ZNF343: variants seen among roughly 807,000 people sequenced by gnomAD.
The protein encoded by ZNF343 is zinc finger protein 343.
Under a neutral mutation model 13.8 loss-of-function variants are expected in ZNF343, and 11 were observed. That is an observed-to-expected ratio of 0.80 (90% CI 0.50 to 1.32). The LOEUF (loss-of-function observed/expected upper bound fraction) is 1.32, where lower values mean the gene tolerates loss of function less well. Ranked by LOEUF, ZNF343 falls within the 40% of genes most tolerant of loss-of-function variation. ZNF343 has a pLI of 0.00. For synonymous variants in ZNF343, 248 were observed against 260.0 expected, an observed-to-expected ratio of 0.95 and a Z score of 0.44; for missense variants, 658 against 714.2, an observed-to-expected ratio of 0.92 and a Z score of 0.90.
chr20:2,492,257 G>C (rs900710697), intron 5 of ZNF343, among the ~76,000 whole-genome samples: 1 of 151,976 alleles, frequency 6.6e-6, no homozygotes, highest in African/African-American at 2.4e-5. Context: ...TACTGGGCAG[G>C]TACATCCCTT....
chr20:2,517,332 CACAT>C (rs2085763378), intron 1 of ZNF343, among the ~76,000 whole-genome samples: 1 of 151,586 alleles, frequency 6.6e-6, no homozygotes, highest in African/African-American at 2.4e-5. Context: ...AATATACACA[CACAT>C]ATATACACAT....
chr20:2,492,757 C>T lies in ZNF343; in HGVS notation c.246G>A (p.Glu82=), dbSNP rs1302386684. ...TEAEWKRLSP[E]QRNLYKEVML... ...TCACTTCTTTGTATAGATTCCTCTG[C>T]TCTGGACTCAGTCTCTTCCATTCTG... Residue 82 remains glutamate (E), a synonymous_variant, in exon 5 of 6, where the codon GAG becomes GAA. Coordinates refer to ENST00000278772, the MANE Select transcript of ZNF343 (RefSeq NM_024325.6). 1.2e-6 allele frequency: 2 copies of T among 1,613,740 alleles called. No individual in the cohort carries two copies. Among genetic ancestry groups the T allele is most frequent in the Admixed American group, 1.7e-5 (1 of 59,896 alleles).
chr20:2,508,220 C>T lies in ZNF343; in HGVS notation c.-237+661G>A, dbSNP rs947017083. 6.6e-6 allele frequency among the ~76,000 whole-genome samples: 1 copy of T among 152,092 alleles called. No individual in the cohort carries two copies. The highest frequency in any genetic ancestry group is 6.5e-5 in the Admixed American group (1 of 15,270). On this transcript the variant is annotated intron_variant, in intron 1 of 5. Transcript: ENST00000278772. The surrounding 1 kb of genome is among the most constrained non-coding windows in gnomAD (Gnocchi z 4.5). ...CTAAAAACCCCAGGGACTCCTGACC[C>T]AAGACACTCGCCCAGGCCCTCTCAG...
rs149797360 is a variant in ZNF343 at position 2,523,171 on chromosome 20, AC to A, written c.-347+1283del. ...CATTAGCATGCTAAAAGATGCTCCC[AC>A]CAGCACCATGACAGTTTACAGATGC... On this transcript the variant is annotated intron_variant, in intron 1 of 6. Coordinates refer to the ZNF343 transcript ENST00000358413. Among the ~76,000 whole-genome samples, 671 of 152,334 alleles carry A rather than the reference AC, an allele frequency of 4.4e-3. 5 individuals are homozygous for A. The highest frequency in any genetic ancestry group is 0.015 in the African/African-American group (636 of 41,584).
chr20:2,498,495 G>A (rs2085499538), intron 2 of ZNF343, among the ~76,000 whole-genome samples: 1 of 152,134 alleles, frequency 6.6e-6, no homozygotes, highest in Admixed American at 6.5e-5. Context: ...AAACCACAGA[G>A]GAATAAAACA....
At position 2,483,231 on chromosome 20, in the gene ZNF343, T is replaced by C; in HGVS notation, c.1730A>G (p.Tyr577Cys). 6.2e-7 allele frequency: 1 copy of C among 1,612,834 alleles called. No individual in the cohort carries two copies. The highest frequency in any genetic ancestry group is 1.1e-5 in the South Asian group (1 of 90,890). ...HQRTHSGEKHYVCRECGRGFS... is the reference protein window; with the variant it reads ...HQRTHSGEKHCVCRECGRGFS... ...GCCTCGCCCACACTCCCTACAAACA[T>C]AATGCTTCTCCCCTGAGTGTGTCCT... The change falls in exon 6 of 6, where the codon TAT becomes TGT. Residue 577 changes from tyrosine to cysteine, a missense_variant. Transcript: ENST00000278772.
chr20:2,516,253 C>G (rs1187102790), intron 1 of ZNF343, among the ~76,000 whole-genome samples: 1 of 152,020 alleles, frequency 6.6e-6, no homozygotes, highest in Non-Finnish European at 1.5e-5. Context: ...ATCCCAACTA[C>G]TCAGGAGGCT....
chr20:2,518,205 C>T lies in ZNF343; in HGVS notation c.-347+6250G>A, dbSNP rs1298152513. Among the ~76,000 whole-genome samples, 2 of 151,948 alleles carry T rather than the reference C, an allele frequency of 1.3e-5. No individual in the cohort carries two copies. Among genetic ancestry groups the T allele is most frequent in the African/African-American group, 2.4e-5 (1 of 41,370 alleles). On this transcript the variant is annotated intron_variant, in intron 1 of 6. Transcript: ENST00000358413. The surrounding 1 kb of genome is among the most constrained non-coding windows in gnomAD (Gnocchi z 4.6). ...CCTTTTTGTATTTTTTTAGTAGAGA[C>T]GTAGTTTCGCCATGTTGACCAGGCT...
intron 2 of ZNF343, among the ~76,000 whole-genome samples, chr20:2,500,413 C>A (rs1200819045): frequency 6.6e-6 from 1 of 152,256 alleles, no homozygotes; most frequent in East Asian, 1.9e-4. Context: ...AATCCAGCAG[C>A]CAAGATGAAA....
intron 1 of ZNF343, among the ~76,000 whole-genome samples, chr20:2,515,113 GAAA>G (rs962024830): frequency 1.4e-4 from 21 of 151,728 alleles, no homozygotes; most frequent in Non-Finnish European, 3.1e-4. Flanking sequence ...AAAAAGAAAG[GAAA>G]AAAAGACTAA....
intron 1 of ZNF343, among the ~76,000 whole-genome samples, chr20:2,501,166 G>A (rs960573636): frequency 1.4e-4 from 22 of 152,158 alleles, no homozygotes; most frequent in Admixed American, 4.6e-4. Flanking sequence ...ATTATATCCC[G>A]CGCCTGGCTC....
chr20:2,511,234 G>A (rs549118130), upstream of ZNF343, among the ~76,000 whole-genome samples: 3 of 150,902 alleles, frequency 2.0e-5, no homozygotes, highest in African/African-American at 7.3e-5. Flanking sequence ...CCTCAGCCCC[G>A]AGTAGTTGGG....
intron 2 of ZNF343, among the ~76,000 whole-genome samples, chr20:2,497,569 G>A (rs2085481118): frequency 6.6e-6 from 1 of 152,224 alleles, no homozygotes; most frequent in African/African-American, 2.4e-5. Context: ...TAGCACAGTA[G>A]TGGCTGCTGG....
At chr20:2,510,830 C>A (rs2085735187), upstream of ZNF343, among the ~76,000 whole-genome samples, 1 of 152,106 alleles carries the variant, frequency 6.6e-6, no homozygotes, top group African/African-American at 2.4e-5. Context: ...CCCTGACTGA[C>A]CAAAATCAGG....
At chr20:2,492,851 A>C (rs758384225) in intron 4 of ZNF343, 26 bp from the exon 5 acceptor site, 1 of 1,609,928 alleles carries the variant, frequency 6.2e-7, no homozygotes, top group East Asian at 2.2e-5. Context: ...AAATTAATGT[A>C]TAGCAAGCCA....
upstream of ZNF343, chr20:2,509,145 C>CCT (rs1358116025): frequency 6.6e-6 from 1 of 152,244 alleles, no homozygotes; most frequent in African/African-American, 2.4e-5. Flanking sequence ...TCCCCACAAG[C>CCT]CTCTGCGGCA....
chr20:2,505,897 C>A (rs1380506171), intron 1 of ZNF343, among the ~76,000 whole-genome samples: 1 of 152,184 alleles, frequency 6.6e-6, no homozygotes, highest in African/African-American at 2.4e-5. Context: ...GACTTCATGT[C>A]TAAAACACCA....
At chr20:2,494,805 G>A (rs1221303308) in intron 2 of ZNF343, among the ~76,000 whole-genome samples, 1 of 151,396 alleles carries the variant, frequency 6.6e-6, no homozygotes, top group South Asian at 2.1e-4. Context: ...TCCCTGTATT[G>A]TGAGGAGTTT....
chr20:2,510,211 A>G (rs2085730292), upstream of ZNF343, among the ~76,000 whole-genome samples: 1 of 152,216 alleles, frequency 6.6e-6, no homozygotes, highest in Non-Finnish European at 1.5e-5. Flanking sequence ...ATAGCAAACA[A>G]TGTCAAATCC....
Sources: gnomAD v4.1 joint callset for allele counts (sites outside exome capture counted in the v4.1 genomes callset) on GRCh38, gnomAD v4.1.1 for gene constraint, Gnocchi (gnomAD v3.1) non-coding constraint, MANE v1.5 for transcripts, NCBI Gene and HGNC (gene_info 2026-07-23, HGNC 2026-07-21) for gene names.